TNIK: variants seen among roughly 807,000 people sequenced by gnomAD.
TNIK encodes TRAF2 and NCK-interacting protein kinase.
TNIK carries 49 observed loss-of-function variants against 191.3 expected under a neutral mutation model. That is an observed-to-expected ratio of 0.26 (90% CI 0.20 to 0.32). The LOEUF is 0.32. TNIK is among the 10% of genes least tolerant of loss of function. TNIK has a pLI of 1.00. For synonymous variants in TNIK, 594 were observed against 600.9 expected (o/e 0.99, Z 0.17); for missense variants, 1,155 against 1,702.3 (o/e 0.68, Z 5.66).
chr3:171,082,038 T>G (rs1720761088), intron 27 of TNIK, among the ~76,000 whole-genome samples: 1 of 152,198 alleles, frequency 6.6e-6, no homozygotes. Flanking sequence ...TGTCTCTGCC[T>G]AATTCAGATT....
At chr3:171,073,355 T>C (rs1719453050) in intron 28 of TNIK, among the ~76,000 whole-genome samples, 1 of 152,166 alleles carries the variant, frequency 6.6e-6, no homozygotes, top group African/African-American at 2.4e-5. Context: ...ACTAGATCCT[T>C]ATCTCTTACC....
At chr3:171,393,178 T>C (rs1719792286) in intron 1 of TNIK, among the ~76,000 whole-genome samples, 1 of 152,212 alleles carries the variant, frequency 6.6e-6, no homozygotes, top group African/African-American at 2.4e-5. Context: ...AGTTTGGCAG[T>C]GCTTGCTGCA....
intron 2 of TNIK, among the ~76,000 whole-genome samples, chr3:171,268,301 C>T (rs1179895475): frequency 2.6e-5 from 4 of 152,114 alleles, no homozygotes; most frequent in Admixed American, 1.3e-4. Flanking sequence ...CTCACCTTTG[C>T]TATGTGATCA....
chr3:171,428,508 A>T (rs1375132592), intron 1 of TNIK, among the ~76,000 whole-genome samples: 1 of 152,124 alleles, frequency 6.6e-6, no homozygotes, highest in Non-Finnish European at 1.5e-5. Flanking sequence ...AAGAAAAGAA[A>T]GCATGTTAGC....
intron 2 of TNIK, among the ~76,000 whole-genome samples, chr3:171,283,669 G>A (rs1029294731): frequency 2.0e-5 from 3 of 152,150 alleles, no homozygotes; most frequent in East Asian, 1.9e-4. Flanking sequence ...TGGAGAGGTC[G>A]GGTGAGGAAC....
At position 171,062,968 on chromosome 3, in the gene TNIK, G is replaced by A. The variant is rs1717982502; in HGVS notation, c.*913C>T. ...GTGCATTTTAAAAAAGACTATGTAA[G>A]CTTGTTTCCCAGAAGCTCTTTCTGT... is the stretch of plus-strand genomic sequence containing the variant. On this transcript the variant is annotated 3_prime_UTR_variant, in exon 33 of 33. Transcript: ENST00000436636. 1 of 152,150 alleles carries A rather than the reference G, an allele frequency of 6.6e-6. No homozygotes were observed. The highest frequency in any genetic ancestry group is 2.1e-4 in the South Asian group (1 of 4,832). The allele number at this position is 152,150 out of a possible 1,614,324, so 9.4% of individuals were successfully genotyped here. A position where few individuals can be genotyped will look rare whatever the true frequency, so the allele number is the denominator to read the frequency against.
intron 10 of TNIK, among the ~76,000 whole-genome samples, chr3:171,164,761 G>T (rs1379033663): frequency 6.6e-6 from 1 of 152,222 alleles, no homozygotes; most frequent in African/African-American, 2.4e-5. Flanking sequence ...AGTAGCCCAA[G>T]ACCACCATGG....
chr3:171,275,666 G>A (rs1749640894), intron 2 of TNIK, among the ~76,000 whole-genome samples: 1 of 152,066 alleles, frequency 6.6e-6, no homozygotes, highest in Non-Finnish European at 1.5e-5. Flanking sequence ...GGAGGCCAAG[G>A]TGGGCGGATC....
chr3:171,299,274 C>T (rs1265090096), intron 2 of TNIK, among the ~76,000 whole-genome samples: 1 of 152,144 alleles, frequency 6.6e-6, no homozygotes, highest in Non-Finnish European at 1.5e-5. Context: ...GGCAAAGTGA[C>T]CCACCTGTCA....
intron 9 of TNIK, among the ~76,000 whole-genome samples, chr3:171,172,991 C>T (rs571451681): frequency 1.3e-5 from 2 of 152,232 alleles, no homozygotes; most frequent in East Asian, 1.9e-4. Flanking sequence ...GGGTCTCAGT[C>T]GGTGAAAACT....
intron 2 of TNIK, among the ~76,000 whole-genome samples, chr3:171,365,015 T>C (rs1715493607): frequency 6.6e-6 from 1 of 151,922 alleles, no homozygotes; most frequent in Non-Finnish European, 1.5e-5. Flanking sequence ...GTGGGGATAA[T>C]GAAGGGCCTC....
chr3:171,455,206 G>A (rs73173688), intron 1 of TNIK, among the ~76,000 whole-genome samples: 7,757 of 151,936 alleles, frequency 0.051, 343 homozygotes, highest in African/African-American at 0.11. Context: ...AAAAAGAGTC[G>A]GAACCTTCTG....
intron 1 of TNIK, among the ~76,000 whole-genome samples, chr3:171,402,474 T>A (rs183807373): frequency 1.3e-5 from 2 of 152,288 alleles, no homozygotes; most frequent in East Asian, 3.9e-4. Flanking sequence ...CACCTGGCAG[T>A]GGACTAAAGA....
At chr3:171,080,870 C>T (rs971346977) in intron 27 of TNIK, among the ~76,000 whole-genome samples, 1 of 152,162 alleles carries the variant, frequency 6.6e-6, no homozygotes, top group African/African-American at 2.4e-5. Context: ...ACATTGATCA[C>T]AGTAGCTAGG....
intron 2 of TNIK, among the ~76,000 whole-genome samples, chr3:171,294,740 A>AATC (rs1553881748): frequency 6.6e-6 from 1 of 152,102 alleles, no homozygotes; most frequent in Non-Finnish European, 1.5e-5. Flanking sequence ...TAATAATAAT[A>AATC]ATGAATGACA....
intron 2 of TNIK, among the ~76,000 whole-genome samples, chr3:171,230,896 C>A (rs1428306228): frequency 6.6e-6 from 1 of 152,154 alleles, no homozygotes; most frequent in Non-Finnish European, 1.5e-5. Flanking sequence ...CAAATAAAAC[C>A]TTAAGTGAAC....
chr3:171,211,011 T>C, intron 4 of TNIK, 105 bp downstream of exon 4: 5 of 1,431,448 alleles, frequency 3.5e-6, no homozygotes, highest in Non-Finnish European at 4.8e-6. Flanking sequence ...GGGCTAATGG[T>C]TAAAGAAGGA....
intron 1 of TNIK, among the ~76,000 whole-genome samples, chr3:171,425,789 C>T (rs1310290192): frequency 1.3e-5 from 2 of 148,496 alleles, no homozygotes; most frequent in African/African-American, 5.0e-5. Context: ...GATCACGCCA[C>T]TGTACTACAG....
chr3:171,354,240 G>T lies in TNIK; in HGVS notation c.123+15380C>A, dbSNP rs1335993597. On this transcript the variant is annotated intron_variant, in intron 2 of 32. Transcript: ENST00000436636. Reference sequence around the variant, plus strand: ...AGCATTAGGCACTTTCACTGCTTCTGCTCTAACCCAAATTGCTGATTGTAA... The same window carrying T: ...AGCATTAGGCACTTTCACTGCTTCTTCTCTAACCCAAATTGCTGATTGTAA... Among the ~76,000 whole-genome samples, 4 of 152,174 alleles carry T rather than the reference G, an allele frequency of 2.6e-5. No homozygotes were observed. In the East Asian group the frequency reaches 5.8e-4, roughly 22 times the overall value.
Sources: gnomAD v4.1 joint callset for allele counts (sites outside exome capture counted in the v4.1 genomes callset) on GRCh38, gnomAD v4.1.1 for gene constraint, MANE v1.5 for transcripts, NCBI Gene and HGNC (gene_info 2026-07-23, HGNC 2026-07-21) for gene names.